The following EVA1C variants were observed in gnomAD, a reference collection of about 807,000 sequenced individuals.
The protein encoded by EVA1C is eva-1 homolog C.
In EVA1C, 25 loss-of-function variants were observed where a neutral mutation model predicts 45.4. That is an observed-to-expected ratio of 0.55 (90% CI 0.40 to 0.77). The LOEUF is 0.77. EVA1C is among the 30% of genes least tolerant of loss of function. The pLI is 0.00. For missense variants in EVA1C, 479 were observed against 554.8 expected, an observed-to-expected ratio of 0.86 and a Z score of 1.37; for synonymous variants, 190 against 221.2, an observed-to-expected ratio of 0.86 and a Z score of 1.25.
chr21:32,433,755 C>T (rs759402834), intron 1 of EVA1C, among the ~76,000 whole-genome samples: 1 of 152,132 alleles, frequency 6.6e-6, no homozygotes, highest in South Asian at 2.1e-4. Context: ...GAGTCCTGAC[C>T]CCCAGCACCT....
intron 4 of EVA1C, among the ~76,000 whole-genome samples, chr21:32,476,410 G>A (rs2036565940): frequency 6.6e-6 from 1 of 152,134 alleles, no homozygotes; most frequent in South Asian, 2.1e-4. Flanking sequence ...GGGAGGCCGA[G>A]GCAGGTGGAT....
intron 5 of EVA1C, 46 bp downstream of exon 5, chr21:32,495,216 T>TG (rs778960555): frequency 1.3e-6 from 2 of 1,598,302 alleles, no homozygotes; most frequent in South Asian, 2.3e-5. Flanking sequence ...CTGCCTCTTT[T>TG]GGGGGAGGGT....
intron 3 of EVA1C, among the ~76,000 whole-genome samples, chr21:32,460,452 G>A (rs891154524): frequency 6.6e-6 from 1 of 152,004 alleles, no homozygotes; most frequent in African/African-American, 2.4e-5. Context: ...TGTATGATTT[G>A]CACACACACT....
chr21:32,448,113 T>C (rs1051699064), intron 1 of EVA1C, among the ~76,000 whole-genome samples: 1 of 151,742 alleles, frequency 6.6e-6, no homozygotes, highest in Non-Finnish European at 1.5e-5. Flanking sequence ...AACCATGGGG[T>C]TGTTCTAATT....
intron 1 of EVA1C, among the ~76,000 whole-genome samples, chr21:32,418,049 C>T (rs2034119462): frequency 6.6e-6 from 1 of 152,282 alleles, no homozygotes; most frequent in Middle Eastern, 3.4e-3. Context: ...CCCTAGGGCT[C>T]ATCACCAGGG....
chr21:32,426,425 ATT>A (rs66551169), intron 1 of EVA1C, among the ~76,000 whole-genome samples: 1 of 146,496 alleles, frequency 6.8e-6, no homozygotes, highest in African/African-American at 2.5e-5. Context: ...TAGTGCAGAG[ATT>A]TTTTTTTTTT....
chr21:32,472,694 T>C lies in EVA1C; in HGVS notation c.634+4846T>C, dbSNP rs1256302918. Among the ~76,000 whole-genome samples the C allele has an allele frequency of 3.3e-5, 5 of 151,528 alleles. No homozygotes were observed. The East Asian group carries it at 9.7e-4, about 29-fold the overall frequency. On this transcript the variant is annotated intron_variant, in intron 4 of 7. Transcript: ENST00000300255. Reference sequence around the variant, plus strand: ...GAAAGTGTTAGCAGATCCCATGGCCTAAAAGACAGGTTTCCATGGAGAGTG... The same window carrying C: ...GAAAGTGTTAGCAGATCCCATGGCCCAAAAGACAGGTTTCCATGGAGAGTG...
chr21:32,444,438 C>T (rs76908475), intron 1 of EVA1C, among the ~76,000 whole-genome samples: 28,022 of 151,976 alleles, frequency 0.18, 3,343 homozygotes, highest in African/African-American at 0.33. Context: ...TAGGGAAGTT[C>T]ACTTATGTTT....
At chr21:32,476,267 G>C (rs533509633) in intron 4 of EVA1C, among the ~76,000 whole-genome samples, 12 of 150,898 alleles carry the variant, frequency 8.0e-5, no homozygotes, top group Non-Finnish European at 1.6e-4. Context: ...TTTTTGTTTT[G>C]TTTTGTTTTG....
At chr21:32,454,346 T>C (rs1245189579) in intron 2 of EVA1C, among the ~76,000 whole-genome samples, 2 of 152,224 alleles carry the variant, frequency 1.3e-5, no homozygotes, top group Non-Finnish European at 2.9e-5. Flanking sequence ...CTTGGAGCTA[T>C]TTTAGGCAGC....
At chr21:32,422,388 A>G (rs914963936) in intron 1 of EVA1C, among the ~76,000 whole-genome samples, 7 of 152,238 alleles carry the variant, frequency 4.6e-5, no homozygotes, top group Non-Finnish European at 8.8e-5. Context: ...AGTATTCCAG[A>G]AAAAGAAAGT....
chr21:32,508,753 A>G (rs1347822426), intron 7 of EVA1C, among the ~76,000 whole-genome samples: 3 of 152,194 alleles, frequency 2.0e-5, no homozygotes, highest in Non-Finnish European at 4.4e-5. Context: ...AACGCTCGCC[A>G]TGGCCTCTGG....
chr21:32,460,455 C>T (rs1034802144), intron 3 of EVA1C, among the ~76,000 whole-genome samples: 5 of 152,176 alleles, frequency 3.3e-5, no homozygotes, highest in African/African-American at 1.2e-4. Context: ...ATGATTTGCA[C>T]ACACACTGCA....
chr21:32,438,963 C>T (rs1447953331), intron 1 of EVA1C, among the ~76,000 whole-genome samples: 12 of 151,782 alleles, frequency 7.9e-5, no homozygotes, highest in Admixed American at 1.3e-4. Context: ...AAGCCAGGCT[C>T]GGTGGCTCAT....
At chr21:32,467,197 A>G (rs2036205785) in intron 3 of EVA1C, among the ~76,000 whole-genome samples, 1 of 152,106 alleles carries the variant, frequency 6.6e-6, no homozygotes. Flanking sequence ...ACCTACATGC[A>G]TGGGGATGCC....
At chr21:32,484,899 G>A (rs1049489937) in intron 4 of EVA1C, among the ~76,000 whole-genome samples, 2 of 152,142 alleles carry the variant, frequency 1.3e-5, no homozygotes, top group African/African-American at 2.4e-5. Flanking sequence ...CACCCACAGG[G>A]AGGGGCTGGC....
intron 1 of EVA1C, among the ~76,000 whole-genome samples, chr21:32,416,742 C>G (rs1273331047): frequency 1.3e-5 from 2 of 152,146 alleles, no homozygotes; most frequent in African/African-American, 4.8e-5. Flanking sequence ...GAAAGTTGTT[C>G]TAGTTCCCAC....
intron 3 of EVA1C, among the ~76,000 whole-genome samples, chr21:32,463,088 G>T (rs1010096498): frequency 2.0e-5 from 3 of 152,202 alleles, no homozygotes; most frequent in African/African-American, 7.2e-5. Flanking sequence ...GTATCGAAAA[G>T]AAGCAGAATG....
At chr21:32,430,059 G>C (rs1192665822) in intron 1 of EVA1C, among the ~76,000 whole-genome samples, 1 of 152,170 alleles carries the variant, frequency 6.6e-6, no homozygotes, top group Non-Finnish European at 1.5e-5. Context: ...GTGAGACTAG[G>C]GCAGGGCAGA....
Sources: gnomAD v4.1 joint callset for allele counts (sites outside exome capture counted in the v4.1 genomes callset) on GRCh38, gnomAD v4.1.1 for gene constraint, MANE v1.5 for transcripts, NCBI Gene and HGNC (gene_info 2026-07-23, HGNC 2026-07-21) for gene names.